SLC25A3: variants seen among roughly 807,000 people sequenced by gnomAD.
SLC25A3 encodes the protein phosphate transport protein.
In SLC25A3, 14 loss-of-function variants were observed where a neutral mutation model predicts 37.1. The observed-to-expected ratio is 0.38, with a 90% CI of 0.25 to 0.59. SLC25A3 has a LOEUF of 0.59. Among genes scored for constraint, SLC25A3 ranks in the 20% least tolerant of loss-of-function variants. The probability of loss-of-function intolerance (pLI) is 0.67; values close to 1 mark genes in which losing one functional copy is unlikely to be tolerated. For synonymous variants in SLC25A3, 161 were observed against 168.7 expected, an observed-to-expected ratio of 0.95 and a Z score of 0.36; for missense variants, 385 against 458.1, an observed-to-expected ratio of 0.84 and a Z score of 1.46.
In SLC25A3 at chr12:98,605,978, G is replaced by A. The variant is rs1423840193; in HGVS notation, c.*4450G>A. 1.3e-5 allele frequency: 2 copies of A among 152,102 alleles called. No individual in the cohort carries two copies. The highest frequency in any genetic ancestry group is 2.9e-5 in the Non-Finnish European group (2 of 68,052). 9.4% of individuals were successfully genotyped at this position (152,102 alleles called of 1,614,324 possible). A position where few individuals can be genotyped will look rare whatever the true frequency, so the allele number is the denominator to read the frequency against. ...TACAAAAAATAAATTAGCCAGGCATGGTGGCACGTGCCTGTAATCTCAGCT... is the reference window on the plus strand; with the variant it reads ...TACAAAAAATAAATTAGCCAGGCATAGTGGCACGTGCCTGTAATCTCAGCT... On this transcript the variant is annotated 3_prime_UTR_variant, in exon 8 of 8. Transcript: ENST00000552981.
At position 98,594,015 on chromosome 12, in the gene SLC25A3, C is replaced by T. The variant is rs376364595; in HGVS notation, c.37C>T (p.Pro13Ser). 2 of 1,613,702 alleles carry T rather than the reference C, an allele frequency of 1.2e-6. No individual in the cohort carries two copies. Among genetic ancestry groups the T allele is most frequent in the African/African-American group, 1.3e-5 (1 of 74,938 alleles). Residue 13 changes from proline (P) to serine (S), a missense_variant, in exon 2 of 8, where the codon CCC becomes TCC. Pro to Ser is a moderately conservative substitution (Grantham distance 74). Coordinates refer to ENST00000552981, the MANE Select transcript of SLC25A3 (RefSeq NM_002635.4). ...SSVAHLARANPFNTPHLQLVH... is the reference protein window; with the variant it reads ...SSVAHLARANSFNTPHLQLVH... ...CGTGGCGCACCTGGCGCGGGCGAAC[C>T]CCTTCAACACGCCACATCTGCAGCT...
At position 98,606,040 on chromosome 12, in the gene SLC25A3, A is replaced by G. The variant is rs1277969795; in HGVS notation, c.*4512A>G. 6.6e-6 allele frequency: 1 copy of G among 152,052 alleles called. No individual in the cohort carries two copies. Among genetic ancestry groups the G allele is most frequent in the Non-Finnish European group, 1.5e-5 (1 of 68,012 alleles). 9.4% of individuals were successfully genotyped at this position (152,052 alleles called of 1,614,324 possible). On this transcript the variant is annotated 3_prime_UTR_variant, in exon 8 of 8. Transcript: ENST00000552981. Reference sequence around the variant, plus strand: ...TGAAGGAGGATCGTCTGAGCCCAGGAGTTTGAGGCTGCAATGAGCTACAAT... The same window carrying G: ...TGAAGGAGGATCGTCTGAGCCCAGGGGTTTGAGGCTGCAATGAGCTACAAT...
chr12:98,599,783 AAG>A (rs1314270653), intron 5 of SLC25A3, 170 bp from the exon 6 acceptor site: 1 of 818,902 alleles, frequency 1.2e-6, no homozygotes, highest in South Asian at 1.3e-5. Flanking sequence ...ATTGGCATGT[AAG>A]AGAAATATAC....
chr12:98,594,394 C>T (rs1193852943), intron 2 of SLC25A3: 1 of 698,502 alleles, frequency 1.4e-6, no homozygotes, highest in African/African-American at 1.8e-5. Context: ...GGAAGAGAGG[C>T]CGTGACTAGC....
chr12:98,597,416 C>CT (rs1160705083), intron 3 of SLC25A3: 5,881 of 152,106 alleles, frequency 0.039, 299 homozygotes, highest in African/African-American at 0.12. Context: ...TACTGTATTT[C>CT]TTTTTTTTTT....
chr12:98,595,114 G>T, intron 2 of SLC25A3: 1 of 325,568 alleles, frequency 3.1e-6, no homozygotes. Flanking sequence ...TCTGAGTTTC[G>T]TTTGTACTCT....
chr12:98,594,330 A>G (rs1230635942), intron 2 of SLC25A3, 195 bp downstream of exon 2: 1 of 704,958 alleles, frequency 1.4e-6, no homozygotes, highest in Admixed American at 2.0e-5. Context: ...CCTTCCCTCA[A>G]GGGCGTGGAA....
At position 98,593,967 on chromosome 12, in the gene SLC25A3, T is replaced by G. The variant is rs1242635387; in HGVS notation, c.-4-8T>G. Reference sequence around the variant, plus strand: ...CTGTCCTCTAACCGTCGCTCCCTCCTCCCCTAGAAAGATGTTCTCGTCCGT... The same window carrying G: ...CTGTCCTCTAACCGTCGCTCCCTCCGCCCCTAGAAAGATGTTCTCGTCCGT... On this transcript the variant is annotated splice_region_variant and splice_polypyrimidine_tract_variant and intron_variant, in intron 1 of 7. Transcript: ENST00000552981. 1.1e-5 allele frequency: 17 copies of G among 1,613,764 alleles called. 1 individual carries two copies. The highest frequency in any genetic ancestry group is 1.4e-5 in the Non-Finnish European group (17 of 1,179,868).
Position 98,595,551 on chromosome 12 carries a change from A to G in SLC25A3, c.158-176A>G, listed in dbSNP as rs778422136. 1 of 1,614,206 alleles carries G rather than the reference A, an allele frequency of 6.2e-7. No homozygotes were observed. On this transcript the variant is annotated intron_variant, in intron 2 of 7. Coordinates refer to ENST00000552981, the MANE Select transcript of SLC25A3 (RefSeq NM_002635.4). ...TTCCTCTAGATCTGGTTAAATGCAG[A>G]ATGCAGGTTTGTTTTGCATGCTGGA...
chr12:98,597,092 C>A (rs899527132), intron 3 of SLC25A3, among the ~76,000 whole-genome samples: 1 of 152,020 alleles, frequency 6.6e-6, no homozygotes, highest in African/African-American at 2.4e-5. Flanking sequence ...AGTTTTGTTA[C>A]GTATTTTTGT....
Position 98,601,503 on chromosome 12 carries a change from AGAAGAAGC to A in SLC25A3, c.1062_1069del (p.Lys354AsnfsTer19), listed in dbSNP as rs1290596608. On this transcript the variant is annotated frameshift_variant, in exon 8 of 8. Coordinates refer to ENST00000552981, the MANE Select transcript of SLC25A3 (RefSeq NM_002635.4). LOFTEE classifies it high-confidence loss of function. The stretch of plus-strand genomic sequence containing the variant: ...CCACCCGAGATGCCAGAGTCTCTGA[AGAAGAAGC>A]TTGGGTTAACTCAGTAGTTAGATCA... 4.3e-6 allele frequency: 7 copies of A among 1,613,550 alleles called. No homozygotes were observed. In the Admixed American group the frequency reaches 1.2e-4, roughly 27 times the overall value.
In SLC25A3 at chr12:98,594,016, C is replaced by G. The variant is rs1331004642; in HGVS notation, c.38C>G (p.Pro13Arg). The G allele has an allele frequency of 6.2e-7, 1 of 1,613,878 alleles. No individual in the cohort carries two copies. Residue 13 changes from proline (P) to arginine (R), a missense_variant, in exon 2 of 8, where the codon CCC becomes CGC. Transcript: ENST00000552981. ...SSVAHLARANPFNTPHLQLVH... is the reference protein window; with the variant it reads ...SSVAHLARANRFNTPHLQLVH... ...GTGGCGCACCTGGCGCGGGCGAACC[C>G]CTTCAACACGCCACATCTGCAGCTG...
At position 98,597,947 on chromosome 12, in the gene SLC25A3, C is replaced by T. The variant is rs762366125; in HGVS notation, c.371C>T (p.Pro124Leu). ...GVRGLAKGWA[P>L]TFLGYSMQGL... ...CGTGGTTTGGCTAAAGGATGGGCTCCGACTTTCCTTGGCTACTCCATGCAG... is the reference window on the plus strand; with the variant it reads ...CGTGGTTTGGCTAAAGGATGGGCTCTGACTTTCCTTGGCTACTCCATGCAG... The change falls in exon 4 of 8, where the codon CCG (proline) becomes CTG (leucine). Residue 124 changes from proline (P) to leucine (L), a missense_variant. By Grantham distance (98) the Pro-to-Leu change is moderately conservative. Around this residue, in one of 2 missense-constraint regions of SLC25A3, gnomAD observed 276 missense variants for 367.6 expected, o/e 0.75. Coordinates refer to ENST00000552981, the MANE Select transcript of SLC25A3 (RefSeq NM_002635.4). The T allele has an allele frequency of 2.5e-6, 4 of 1,614,056 alleles. No individual in the cohort carries two copies. Among genetic ancestry groups the T allele is most frequent in the South Asian group, 1.1e-5 (1 of 91,092 alleles).
chr12:98,595,965 T>C (rs937344456), intron 3 of SLC25A3, 117 bp downstream of exon 3: 6 of 917,388 alleles, frequency 6.5e-6, no homozygotes, highest in East Asian at 5.0e-5. Flanking sequence ...GGAAACCACA[T>C]AGAATTTCTT....
chr12:98,597,674 T>C (rs2097594125), intron 3 of SLC25A3, 182 bp from the exon 4 acceptor site: 1 of 751,048 alleles, frequency 1.3e-6, no homozygotes, highest in Admixed American at 2.9e-5. Flanking sequence ...TCCACCTGCC[T>C]CAGCCTCCCA....
At chr12:98,598,432 C>T (rs2097594867) in intron 4 of SLC25A3, 90 bp from the exon 5 acceptor site, 1 of 1,598,268 alleles carries the variant, frequency 6.3e-7, no homozygotes, top group Admixed American at 1.7e-5. Flanking sequence ...TATAAAATGT[C>T]TGAAGCTTAG....
At chr12:98,595,600 G>A (rs773285905) in intron 2 of SLC25A3, 127 bp from the exon 3 acceptor site, 1 of 1,613,078 alleles carries the variant, frequency 6.2e-7, no homozygotes, top group Non-Finnish European at 8.5e-7. Flanking sequence ...AAGCATGACT[G>A]ACTGTTAAGT....
chr12:98,605,504 A>G lies in SLC25A3; in HGVS notation c.*3976A>G, dbSNP rs2097600745. 1 of 152,164 alleles carries G rather than the reference A, an allele frequency of 6.6e-6. No individual in the cohort carries two copies. The highest frequency in any genetic ancestry group is 2.4e-5 in the African/African-American group (1 of 41,434). The allele number at this position is 152,164 out of a possible 1,614,324, so 9.4% of individuals were successfully genotyped here. A position where few individuals can be genotyped will look rare whatever the true frequency, so the allele number is the denominator to read the frequency against. On this transcript the variant is annotated 3_prime_UTR_variant, in exon 8 of 8. Coordinates refer to ENST00000552981, the MANE Select transcript of SLC25A3 (RefSeq NM_002635.4). ...GTCACTAGTAAATTAGGAGTTATAC[A>G]TTGCTTCTATAGCATCAGAAATTGT...
At chr12:98,598,313 G>A (rs947596458) in intron 4 of SLC25A3, 11 of 801,356 alleles carry the variant, frequency 1.4e-5, no homozygotes, top group African/African-American at 3.5e-5. Flanking sequence ...GTAGTTCCGG[G>A]GCATGGCATC....
Sources: gnomAD v4.1 joint callset for allele counts (sites outside exome capture counted in the v4.1 genomes callset) on GRCh38, gnomAD v4.1.1 for gene constraint, gnomAD v4.1.1 regional missense constraint, MANE v1.5 for transcripts, NCBI Gene and HGNC (gene_info 2026-07-23, HGNC 2026-07-21) for gene names.